TRHDE: variants seen among roughly 807,000 people sequenced by gnomAD.
TRHDE encodes the protein thyrotropin releasing hormone degrading enzyme.
Under a neutral mutation model 125.7 loss-of-function variants are expected in TRHDE, and 72 were observed. That is an observed-to-expected ratio of 0.57 (90% CI 0.47 to 0.70). TRHDE has a LOEUF of 0.70. TRHDE is among the 30% of genes least tolerant of loss of function. The pLI is 0.00. For missense variants in TRHDE, 1,110 were observed against 1,327.1 expected (o/e 0.84, Z 2.54); for synonymous variants, 509 against 509.1 (o/e 1.00, Z 0.00).
intron 3 of TRHDE, among the ~76,000 whole-genome samples, chr12:72,425,167 G>T (rs1038566665): frequency 6.6e-6 from 1 of 152,134 alleles, no homozygotes; most frequent in Non-Finnish European, 1.5e-5. Flanking sequence ...TACTCTAAAA[G>T]TGCTTTGCAA....
intron 15 of TRHDE, among the ~76,000 whole-genome samples, chr12:72,642,945 C>T (rs1037958026): frequency 2.6e-5 from 4 of 152,122 alleles, no homozygotes; most frequent in African/African-American, 9.7e-5. Context: ...AATCATTTTG[C>T]TGAAATGTTA....
rs558416722 is a variant in TRHDE, at chr12:72,345,300, T to A, written c.1189-32695T>A. On this transcript the variant is annotated intron_variant, in intron 2 of 18. Coordinates refer to ENST00000261180, the MANE Select transcript of TRHDE (RefSeq NM_013381.3). ...AAATAAATCCAGCCCTGACTTACAGTATTTGCTGATTTATATGGTGTATAT... is the reference window on the plus strand; with the variant it reads ...AAATAAATCCAGCCCTGACTTACAGAATTTGCTGATTTATATGGTGTATAT... Among the ~76,000 whole-genome samples the A allele has an allele frequency of 2.0e-4, 31 of 152,258 alleles. No homozygotes were observed. In the South Asian group the frequency reaches 6.4e-3, roughly 32 times the overall value.
intron 3 of TRHDE, among the ~76,000 whole-genome samples, chr12:72,404,224 G>A (rs1298381625): frequency 1.3e-5 from 2 of 151,994 alleles, no homozygotes; most frequent in Non-Finnish European, 2.9e-5. Flanking sequence ...GACCAACCTG[G>A]GCAACATGAT....
chr12:72,654,204 G>A (rs1287499864), intron 17 of TRHDE, among the ~76,000 whole-genome samples: 1 of 152,074 alleles, frequency 6.6e-6, no homozygotes, highest in Non-Finnish European at 1.5e-5. Flanking sequence ...TTAGGGAGTG[G>A]TTTTGTAAAT....
At chr12:72,590,189 G>A (rs536468226) in intron 12 of TRHDE, among the ~76,000 whole-genome samples, 23 of 151,382 alleles carry the variant, frequency 1.5e-4, no homozygotes, top group Non-Finnish European at 3.0e-4. Flanking sequence ...TTTATTATTT[G>A]TTATTTTTAA....
At chr12:72,642,802 G>A (rs1209132906) in intron 15 of TRHDE, among the ~76,000 whole-genome samples, 1 of 152,098 alleles carries the variant, frequency 6.6e-6, no homozygotes, top group East Asian at 1.9e-4. Context: ...AGTCTCACAG[G>A]ACTCATTTGT....
intron 6 of TRHDE, among the ~76,000 whole-genome samples, chr12:72,509,294 A>G (rs1298595851): frequency 6.6e-6 from 1 of 151,454 alleles, no homozygotes; most frequent in East Asian, 2.0e-4. Flanking sequence ...ACACAAAATG[A>G]TAATAAAAGA....
At chr12:72,503,186 G>A (rs761342286) in intron 6 of TRHDE, among the ~76,000 whole-genome samples, 19 of 152,144 alleles carry the variant, frequency 1.2e-4, no homozygotes, top group African/African-American at 3.1e-4. Context: ...ACTAGTCACC[G>A]AACTAAGATT....
At chr12:72,261,501 G>T (rs1296070864) in intron 2 of TRHDE, among the ~76,000 whole-genome samples, 1 of 152,154 alleles carries the variant, frequency 6.6e-6, no homozygotes, top group Admixed American at 6.6e-5. Flanking sequence ...TGCTATCTGT[G>T]ATATTTACCT....
intron 2 of TRHDE, among the ~76,000 whole-genome samples, chr12:72,249,993 G>A (rs1878646541): frequency 6.6e-6 from 1 of 152,078 alleles, no homozygotes; most frequent in Admixed American, 6.5e-5. Flanking sequence ...AAACTGATAA[G>A]AAGAACTGCA....
intron 2 of TRHDE, among the ~76,000 whole-genome samples, chr12:72,293,513 C>G (rs1306019235): frequency 1.3e-5 from 2 of 152,130 alleles, no homozygotes; most frequent in Non-Finnish European, 2.9e-5. Flanking sequence ...TTACTGGGGA[C>G]AGGCTTCCTC....
intron 1 of TRHDE, among the ~76,000 whole-genome samples, chr12:72,104,258 G>C (rs1795856749): frequency 6.6e-6 from 1 of 152,126 alleles, no homozygotes; most frequent in Non-Finnish European, 1.5e-5. Context: ...CCTTAAAAAT[G>C]AGACCAAGCT....
chr12:72,429,144 T>C (rs778206761), intron 3 of TRHDE, among the ~76,000 whole-genome samples: 1 of 151,772 alleles, frequency 6.6e-6, no homozygotes, highest in Non-Finnish European at 1.5e-5. Context: ...AGTTGAACAA[T>C]GAGAACACAT....
At chr12:72,587,373 C>T (rs1214902) in intron 12 of TRHDE, among the ~76,000 whole-genome samples, 151,326 of 152,260 alleles carry the variant, frequency 0.99, 75,204 homozygotes, top group East Asian at 1. Flanking sequence ...AGATGCAATA[C>T]GTAGGTTATT....
At chr12:72,134,370 G>A (rs905921762) in intron 2 of TRHDE, among the ~76,000 whole-genome samples, 8 of 151,998 alleles carry the variant, frequency 5.3e-5, no homozygotes, top group Middle Eastern at 3.2e-3. Flanking sequence ...AGAAGAAAAC[G>A]CGGGAAAGGA....
In TRHDE at chr12:72,378,133, CTTGG is replaced by C. The variant is rs1458711935; in HGVS notation, c.1315+15_1315+18del. The C allele has an allele frequency of 1.3e-6, 2 of 1,570,438 alleles. No individual in the cohort carries two copies. Among genetic ancestry groups the C allele is most frequent in the Non-Finnish European group, 8.6e-7 (1 of 1,164,586 alleles). ...CTTGCCAAAACTAGGTAAGAATTTT[CTTGG>C]TTATTTTATTGGAAGGGCTCCTTGA... On this transcript the variant is annotated intron_variant, in intron 3 of 18. Transcript: ENST00000261180.
intron 2 of TRHDE, among the ~76,000 whole-genome samples, chr12:72,326,338 G>A (rs1221854613): frequency 6.6e-6 from 1 of 152,084 alleles, no homozygotes; most frequent in Non-Finnish European, 1.5e-5. Context: ...TCATAAGTGG[G>A]AGTTGAACAA....
intron 6 of TRHDE, among the ~76,000 whole-genome samples, chr12:72,534,721 T>C (rs1488269448): frequency 2.6e-5 from 4 of 152,168 alleles, no homozygotes; most frequent in African/African-American, 9.6e-5. Context: ...TTATTATCAT[T>C]ATCATTATTA....
At chr12:72,205,302 T>C (rs983714155) in intron 2 of TRHDE, among the ~76,000 whole-genome samples, 5 of 151,642 alleles carry the variant, frequency 3.3e-5, no homozygotes, top group African/African-American at 1.2e-4. Context: ...TACTCTTCCC[T>C]GCACCCTTCC....
Sources: allele counts gnomAD v4.1 joint callset (sites outside exome capture counted in the v4.1 genomes callset), GRCh38; gene constraint gnomAD v4.1.1; transcripts MANE v1.5; gene names NCBI Gene and HGNC (gene_info 2026-07-23, HGNC 2026-07-21).